Variants in SULT1C4 observed in about 807,000 individuals in gnomAD.
The protein encoded by SULT1C4 is sulfotransferase 1C4.
SULT1C4 carries 32 observed loss-of-function variants against 34.8 expected under a neutral mutation model. The observed-to-expected ratio is 0.92, with a 90% CI of 0.69 to 1.23. The LOEUF is 1.23. Among genes scored for constraint, SULT1C4 ranks in the 50% most tolerant of loss-of-function variants. The pLI is 0.00. For missense variants in SULT1C4, 375 were observed against 365.9 expected, an observed-to-expected ratio of 1.02 and a Z score of -0.20; for synonymous variants, 111 against 120.5, an observed-to-expected ratio of 0.92 and a Z score of 0.51.
At chr2:108,385,901 C>T (rs1314364685) in intron 5 of SULT1C4, among the ~76,000 whole-genome samples, 1 of 152,190 alleles carries the variant, frequency 6.6e-6, no homozygotes, top group East Asian at 1.9e-4. Flanking sequence ...AACCCTGACA[C>T]ATTCCCTTAG....
chr2:108,387,370 T>C lies in SULT1C4; in HGVS notation c.847T>C (p.Phe283Leu). 1 of 1,613,706 alleles carries C rather than the reference T, an allele frequency of 6.2e-7. No individual in the cohort carries two copies. The highest frequency in any genetic ancestry group is 1.1e-5 in the South Asian group (1 of 90,994). The change falls in exon 7 of 7, where the codon TTT (phenylalanine) becomes CTT (leucine). Residue 283 changes from phenylalanine to leucine, a missense_variant. Phe to Leu is a conservative substitution (Grantham distance 22). Transcript: ENST00000272452. The stretch of plus-strand genomic sequence containing the variant: ...CTTCACCGTGGCTCAGAATGAGAGA[T>C]TTGATGAAGATTACAAGAAGAAAAT... The part of the protein sequence containing the change: ...KHFTVAQNER[F>L]DEDYKKKMTD...
At chr2:108,383,998 A>T (rs1318851094) in intron 5 of SULT1C4, among the ~76,000 whole-genome samples, 1 of 151,528 alleles carries the variant, frequency 6.6e-6, no homozygotes, top group East Asian at 2.0e-4. Flanking sequence ...CCTCCGGAGT[A>T]GTTGGGATTA....
chr2:108,388,289 A>G lies in SULT1C4; in HGVS notation c.*857A>G, dbSNP rs1432437646. ...CTGGCGTATATATTTAACTGGACTC[A>G]CTCTCCCACCCTCAGCTAATGCTAC... On this transcript the variant is annotated 3_prime_UTR_variant, in exon 7 of 7. Transcript: ENST00000272452. Among the ~76,000 whole-genome samples the G allele has an allele frequency of 1.3e-5, 2 of 151,630 alleles. No homozygotes were observed. Among genetic ancestry groups the G allele is most frequent in the African/African-American group, 4.8e-5 (2 of 41,246 alleles).
At chr2:108,386,900 A>T (rs143804230) in intron 6 of SULT1C4, among the ~76,000 whole-genome samples, 221 of 152,308 alleles carry the variant, frequency 1.5e-3, no homozygotes, top group African/African-American at 5.2e-3. Flanking sequence ...CAATTAGAGA[A>T]TTTGTGGGGG....
At chr2:108,387,040 G>GAA (rs1366658396) in intron 6 of SULT1C4, among the ~76,000 whole-genome samples, 1 of 152,162 alleles carries the variant, frequency 6.6e-6, no homozygotes, top group African/African-American at 2.4e-5. Context: ...AGGGCACAGG[G>GAA]AAAGACAAGA....
At chr2:108,384,159 A>C (rs1468920658) in intron 5 of SULT1C4, among the ~76,000 whole-genome samples, 1 of 151,924 alleles carries the variant, frequency 6.6e-6, no homozygotes, top group African/African-American at 2.4e-5. Context: ...ATGAGCTACC[A>C]TGCCCAGAGT....
In SULT1C4 at chr2:108,386,331, CT is replaced by C. The variant is rs757828063; in HGVS notation, c.756del (p.Glu253LysfsTer11). On this transcript the variant is annotated frameshift_variant, in exon 6 of 7. Transcript: ENST00000272452. LOFTEE classifies it low-confidence loss of function (END_TRUNC). ...ATGGCAAACTATTCATCGATTCCTGCTGAAATCATGGACCACTCCATTTCTC... is the reference window on the plus strand; with the variant it reads ...ATGGCAAACTATTCATCGATTCCTGCGAAATCATGGACCACTCCATTTCTC... ...NPMANYSSIP[A>X]EIMDHSISPF... is the part of the protein sequence containing the mutation. 1.5e-5 allele frequency: 24 copies of C among 1,567,410 alleles called. No homozygotes were observed. In the African/African-American group the frequency reaches 3.0e-4, roughly 20 times the overall value.
intron 1 of SULT1C4, among the ~76,000 whole-genome samples, chr2:108,379,761 A>G (rs1678337613): frequency 6.6e-6 from 1 of 152,186 alleles, no homozygotes; most frequent in Admixed American, 6.5e-5. Context: ...GTTCACCCTA[A>G]ATTTTTAAAA....
chr2:108,379,229 T>C (rs1472812242), intron 1 of SULT1C4, among the ~76,000 whole-genome samples: 3 of 152,190 alleles, frequency 2.0e-5, no homozygotes, highest in South Asian at 2.1e-4. Context: ...AAAACTCTTG[T>C]TATACACACA....
At chr2:108,382,555 T>A in intron 3 of SULT1C4, 73 bp downstream of exon 3, 1 of 1,076,146 alleles carries the variant, frequency 9.3e-7, no homozygotes. Context: ...CTTAAAACAC[T>A]TCACTTGTTA....
chr2:108,382,740 C>T (rs941327984), intron 3 of SULT1C4: 4 of 415,262 alleles, frequency 9.6e-6, no homozygotes, highest in Non-Finnish European at 1.7e-5. Context: ...CCCATCTCTA[C>T]CAAAAACACA....
Position 108,378,004 on chromosome 2 carries a change from C to T in SULT1C4, c.-334C>T, listed in dbSNP as rs537696982. 1.4e-4 allele frequency: 23 copies of T among 168,388 alleles called. No individual in the cohort carries two copies. The highest frequency in any genetic ancestry group is 2.5e-4 in the Non-Finnish European group (20 of 80,226). 10.4% of individuals were successfully genotyped at this position (168,388 alleles called of 1,614,324 possible). On this transcript the variant is annotated 5_prime_UTR_variant, in exon 1 of 7. Coordinates refer to ENST00000272452, the MANE Select transcript of SULT1C4 (RefSeq NM_006588.4). ...AGCTCCAGTTCCCTGGAACCTGAGTCGGGAGACCTGCAGCTCACTTTCTCC... is the reference window on the plus strand; with the variant it reads ...AGCTCCAGTTCCCTGGAACCTGAGTTGGGAGACCTGCAGCTCACTTTCTCC...
At chr2:108,384,753 C>T (rs1678525351) in intron 5 of SULT1C4, among the ~76,000 whole-genome samples, 1 of 152,156 alleles carries the variant, frequency 6.6e-6, no homozygotes, top group Non-Finnish European at 1.5e-5. Context: ...TAATCATCTA[C>T]TCAGCTATTT....
At chr2:108,384,750 C>G (rs574797024) in intron 5 of SULT1C4, among the ~76,000 whole-genome samples, 2 of 152,262 alleles carry the variant, frequency 1.3e-5, no homozygotes, top group East Asian at 3.9e-4. Flanking sequence ...AAATAATCAT[C>G]TACTCAGCTA....
Position 108,387,313 on chromosome 2 carries a change from A to T in SULT1C4, c.797-7A>T, listed in dbSNP as rs1312825391. On this transcript the variant is annotated splice_polypyrimidine_tract_variant and splice_region_variant and intron_variant, in intron 6 of 6. Coordinates refer to ENST00000272452, the MANE Select transcript of SULT1C4 (RefSeq NM_006588.4). ...TACTGAACCTCTCCCACATAACTGT[A>T]TTTCAGGGGCAGTGGGAGACTGGAA... 1.2e-6 allele frequency: 2 copies of T among 1,607,828 alleles called. No homozygotes were observed. The highest frequency in any genetic ancestry group is 2.7e-5 in the African/African-American group (2 of 74,692).
Position 108,378,283 on chromosome 2 carries a change from T to C in SULT1C4, c.-55T>C. On this transcript the variant is annotated 5_prime_UTR_variant, in exon 1 of 7. Transcript: ENST00000272452. ...GCTGCCTCTATCCACAACGCAGCCA[T>C]ATGCTGACTGAAGATAACTTTGTGT... The C allele has an allele frequency of 6.4e-7, 1 of 1,552,114 alleles. No homozygotes were observed. Among genetic ancestry groups the C allele is most frequent in the Non-Finnish European group, 8.8e-7 (1 of 1,135,784 alleles).
rs528143023 is a variant in SULT1C4, at chr2:108,379,686, C to T, written c.169+1180C>T. Among the ~76,000 whole-genome samples, 124 of 152,068 alleles carry T rather than the reference C, an allele frequency of 8.2e-4. 1 individual carries two copies. Among genetic ancestry groups the T allele is most frequent in the African/African-American group, 2.8e-3 (117 of 41,454 alleles). On this transcript the variant is annotated intron_variant, in intron 1 of 6. Coordinates refer to ENST00000272452, the MANE Select transcript of SULT1C4 (RefSeq NM_006588.4). ...AAGTAATATTTAATCATAACTAAAA[C>T]CATATACATTAATGAAGGCTATTTT...
chr2:108,384,393 G>T (rs1454885628), intron 5 of SULT1C4, among the ~76,000 whole-genome samples: 1 of 152,002 alleles, frequency 6.6e-6, no homozygotes. Context: ...AGCACGCCCG[G>T]CTAATTTTTT....
At chr2:108,382,364 G>C (rs1167561735) in intron 2 of SULT1C4, 21 bp from the exon 3 acceptor site, 1 of 1,595,940 alleles carries the variant, frequency 6.3e-7, no homozygotes. Flanking sequence ...CGTAGAAATT[G>C]ATCGAAAACC....
Sources: gnomAD v4.1 joint callset for allele counts (sites outside exome capture counted in the v4.1 genomes callset) on GRCh38, gnomAD v4.1.1 for gene constraint, MANE v1.5 for transcripts, NCBI Gene and HGNC (gene_info 2026-07-23, HGNC 2026-07-21) for gene names.